IPO7: variants seen among roughly 807,000 people sequenced by gnomAD.
IPO7 encodes the protein importin-7.
IPO7 carries 13 observed loss-of-function variants against 136.4 expected under a neutral mutation model. The observed-to-expected ratio is 0.10, with a 90% CI of 0.06 to 0.15. The LOEUF is 0.15. Among genes scored for constraint, IPO7 ranks in the 10% least tolerant of loss-of-function variants. The probability of loss-of-function intolerance (pLI) is 1.00; values close to 1 mark genes in which losing one functional copy is unlikely to be tolerated. For synonymous variants in IPO7, 403 were observed against 404.4 expected (o/e 1.00, Z 0.04); for missense variants, 857 against 1,240.6 (o/e 0.69, Z 4.65).
rs1480178629 is a variant in IPO7 at position 9,446,415 on chromosome 11, G to A, written c.*1221G>A. 2.6e-5 allele frequency: 4 copies of A among 152,082 alleles called. No individual in the cohort carries two copies. The highest frequency in any genetic ancestry group is 2.0e-4 in the Admixed American group (3 of 15,236). The allele number at this position is 152,082 out of a possible 1,614,324, so 9.4% of individuals were successfully genotyped here. ...TGATCGTGGTATCTGATCTTGACTA[G>A]ATAGGCTGAAGGCACATGGTTCCCT... On this transcript the variant is annotated 3_prime_UTR_variant, in exon 25 of 25. Coordinates refer to ENST00000379719, the MANE Select transcript of IPO7 (RefSeq NM_006391.3).
intron 19 of IPO7, 88 bp downstream of exon 19, chr11:9,435,119 T>A: frequency 1.3e-6 from 1 of 799,438 alleles, no homozygotes; most frequent in Non-Finnish European, 2.1e-6. Flanking sequence ...CACATTGTAG[T>A]AATAAACATG....
Position 9,445,279 on chromosome 11 carries a change from C to G in IPO7, c.*85C>G, listed in dbSNP as rs948293016. The G allele has an allele frequency of 5.7e-6, 4 of 704,136 alleles. No homozygotes were observed. Among genetic ancestry groups the G allele is most frequent in the African/African-American group, 5.5e-5 (3 of 54,550 alleles). 43.6% of individuals were successfully genotyped at this position (704,136 alleles called of 1,614,324 possible). A position where few individuals can be genotyped will look rare whatever the true frequency, so the allele number is the denominator to read the frequency against. The stretch of plus-strand genomic sequence containing the variant: ...TGGTTCCAGAACTGGTTCATGTTAT[C>G]TATTCTAAACTAATAATCAATAGAT... On this transcript the variant is annotated 3_prime_UTR_variant, in exon 25 of 25. Coordinates refer to ENST00000379719, the MANE Select transcript of IPO7 (RefSeq NM_006391.3).
chr11:9,442,022 C>T (rs996728408), intron 23 of IPO7, 59 bp from the exon 24 acceptor site: 28 of 796,202 alleles, frequency 3.5e-5, no homozygotes, highest in South Asian at 7.2e-5. Context: ...TAGTGTAGAA[C>T]GGAGCTACCA....
At chr11:9,419,757 A>G (rs1407092575) in intron 6 of IPO7, among the ~76,000 whole-genome samples, 1 of 151,672 alleles carries the variant, frequency 6.6e-6, no homozygotes, top group Non-Finnish European at 1.5e-5. Flanking sequence ...CTCATACACA[A>G]ATCGTTGCGC....
At chr11:9,429,431 G>A (rs927492135) in intron 14 of IPO7, among the ~76,000 whole-genome samples, 4 of 151,962 alleles carry the variant, frequency 2.6e-5, no homozygotes, top group African/African-American at 9.7e-5. Flanking sequence ...ACTAGAGCCC[G>A]ACGGTTCGAG....
chr11:9,436,409 T>C, intron 20 of IPO7, 43 bp downstream of exon 20: 1 of 1,307,808 alleles, frequency 7.6e-7, no homozygotes, highest in Non-Finnish European at 1.1e-6. Context: ...AGGGGTAATC[T>C]TTTCCTTCCA....
rs575213275 is a variant in IPO7 at position 9,425,595 on chromosome 11, G to A, written c.1335+333G>A. Among the ~76,000 whole-genome samples the A allele has an allele frequency of 9.8e-4, 149 of 152,144 alleles. 1 individual carries two copies. The highest frequency in any genetic ancestry group is 3.5e-3 in the African/African-American group (145 of 41,514). ...GTCTCTACTAAAAATACAAAAATCCGCCGGGCGTGATGGCTCACGCCTGTA... is the reference window on the plus strand; with the variant it reads ...GTCTCTACTAAAAATACAAAAATCCACCGGGCGTGATGGCTCACGCCTGTA... On this transcript the variant is annotated intron_variant, in intron 12 of 24. Transcript: ENST00000379719.
chr11:9,391,454 TC>T (rs1854632091), intron 1 of IPO7, among the ~76,000 whole-genome samples: 1 of 148,728 alleles, frequency 6.7e-6, no homozygotes, highest in Non-Finnish European at 1.5e-5. Flanking sequence ...ACGCCTGTAA[TC>T]CCAGCACTTT....
At chr11:9,407,125 T>C (rs1854899854) in intron 2 of IPO7, among the ~76,000 whole-genome samples, 1 of 152,216 alleles carries the variant, frequency 6.6e-6, no homozygotes, top group Non-Finnish European at 1.5e-5. Context: ...AATGGAAGTA[T>C]TCAGAGGTTG....
At chr11:9,431,892 T>C (rs987408695) in intron 16 of IPO7, among the ~76,000 whole-genome samples, 1 of 152,020 alleles carries the variant, frequency 6.6e-6, no homozygotes, top group African/African-American at 2.4e-5. Context: ...GGAGAATCAC[T>C]TGAACCCGAG....
intron 1 of IPO7, among the ~76,000 whole-genome samples, chr11:9,389,402 A>G (rs1302706896): frequency 3.3e-5 from 5 of 152,166 alleles, no homozygotes; most frequent in Non-Finnish European, 7.3e-5. Context: ...ATTCCGAAGG[A>G]TAATTCCCAG....
chr11:9,387,162 G>T (rs1341861206), intron 1 of IPO7, among the ~76,000 whole-genome samples: 2 of 152,172 alleles, frequency 1.3e-5, no homozygotes, highest in Admixed American at 6.5e-5. Flanking sequence ...ATTATTCTAT[G>T]ATGTCTCTCA....
Position 9,446,383 on chromosome 11 carries a change from C to G in IPO7, c.*1189C>G, listed in dbSNP as rs1855528037. On this transcript the variant is annotated 3_prime_UTR_variant, in exon 25 of 25. Coordinates refer to ENST00000379719, the MANE Select transcript of IPO7 (RefSeq NM_006391.3). Reference sequence around the variant, plus strand: ...TCCCCTTTCCCCATCTCTTCTACCGCTCTTGTTGATCGTGGTATCTGATCT... The same window carrying G: ...TCCCCTTTCCCCATCTCTTCTACCGGTCTTGTTGATCGTGGTATCTGATCT... The G allele has an allele frequency of 6.6e-6, 1 of 152,200 alleles. No homozygotes were observed. The highest frequency in any genetic ancestry group is 2.4e-5 in the African/African-American group (1 of 41,458). 9.4% of individuals were successfully genotyped at this position (152,200 alleles called of 1,614,324 possible).
rs377365084 is a variant in IPO7 at position 9,434,918 on chromosome 11, T to G, written c.2075-16T>G. 6.6e-7 allele frequency: 1 copy of G among 1,506,520 alleles called. No homozygotes were observed. The highest frequency in any genetic ancestry group is 9.2e-7 in the Non-Finnish European group (1 of 1,085,680). The allele number at this position is 1,506,520 out of a possible 1,614,324, so 93.3% of individuals were successfully genotyped here. ...TGTTACTAAAGATGTGTAACCGATG[T>G]TTTTTATTAATACAGATATGATGCC... On this transcript the variant is annotated splice_polypyrimidine_tract_variant and intron_variant, in intron 18 of 24. Coordinates refer to ENST00000379719, the MANE Select transcript of IPO7 (RefSeq NM_006391.3).
intron 1 of IPO7, among the ~76,000 whole-genome samples, chr11:9,387,619 G>A (rs879837049): frequency 6.6e-6 from 1 of 152,230 alleles, no homozygotes; most frequent in African/African-American, 2.4e-5. Context: ...ATCACTTGAG[G>A]TTGGGAGTTT....
In IPO7 at chr11:9,437,994, T is replaced by G. The variant is rs1302874912; in HGVS notation, c.2489+20T>G. 2.5e-6 allele frequency: 4 copies of G among 1,603,154 alleles called. No homozygotes were observed. The Admixed American group carries it at 5.1e-5, about 20-fold the overall frequency. ...CTTGGGGTAAGTGATGTATTGCAAT[T>G]TTACTACATTTGCTTTGGGAGGAAC... On this transcript the variant is annotated intron_variant, in intron 21 of 24. Transcript: ENST00000379719.
chr11:9,407,238 T>A (rs1242305735), intron 2 of IPO7, among the ~76,000 whole-genome samples: 2 of 152,190 alleles, frequency 1.3e-5, no homozygotes, highest in Non-Finnish European at 2.9e-5. Context: ...CTGGACTTTG[T>A]TGGTCCTATT....
intron 2 of IPO7, among the ~76,000 whole-genome samples, chr11:9,406,103 T>TC (rs1854882035): frequency 9.9e-6 from 1 of 101,484 alleles, no homozygotes; most frequent in South Asian, 3.7e-4. Flanking sequence ...CTGAGGCTGG[T>TC]CTTTTTTTTT....
intron 1 of IPO7, among the ~76,000 whole-genome samples, chr11:9,397,568 A>G (rs1854733588): frequency 6.6e-6 from 1 of 151,144 alleles, no homozygotes; most frequent in South Asian, 2.1e-4. Context: ...AACATAAACC[A>G]ACAGTTTAAT....
Sources: allele counts gnomAD v4.1 joint callset (sites outside exome capture counted in the v4.1 genomes callset), GRCh38; gene constraint gnomAD v4.1.1; transcripts MANE v1.5; gene names NCBI Gene and HGNC (gene_info 2026-07-23, HGNC 2026-07-21).